NYAP2: variants seen among roughly 807,000 people sequenced by gnomAD.
NYAP2 encodes neuronal tyrosine-phosphorylated phosphoinositide-3-kinase adaptor 2, also known as neuronal tyrosine-phosphorylated phosphoinositide-3-kinase adapter 2.
NYAP2 carries 23 observed loss-of-function variants against 50.4 expected under a neutral mutation model. That is an observed-to-expected ratio of 0.46 (90% CI 0.33 to 0.65). The LOEUF (loss-of-function observed/expected upper bound fraction) is 0.65, where lower values mean the gene tolerates loss of function less well. Among genes scored for constraint, NYAP2 ranks in the 30% least tolerant of loss-of-function variants. The pLI is 0.02. For missense variants in NYAP2, 885 were observed against 861.0 expected, an observed-to-expected ratio of 1.03 and a Z score of -0.35; for synonymous variants, 394 against 365.2, an observed-to-expected ratio of 1.08 and a Z score of -0.90.
chr2:225,660,441 ATT>A, the NYAP2 span, among the ~76,000 whole-genome samples: 35 of 133,992 alleles, frequency 2.6e-4, no homozygotes, highest in African/African-American at 5.5e-4. Context: ...CACAGGATAC[ATT>A]TTTTTTTTTT....
chr2:225,420,185 G>A (rs1158510554), intron 3 of NYAP2, among the ~76,000 whole-genome samples: 1 of 152,050 alleles, frequency 6.6e-6, no homozygotes, highest in African/African-American at 2.4e-5. Flanking sequence ...AAATAAGCTG[G>A]CATAGCATGT....
intron 3 of NYAP2, among the ~76,000 whole-genome samples, chr2:225,505,275 G>C (rs193095985): frequency 2.0e-5 from 3 of 152,206 alleles, no homozygotes; most frequent in Admixed American, 6.5e-5. Flanking sequence ...AAAATATTAG[G>C]TGCATAAAGT....
At chr2:225,657,810 G>A (rs966537413), downstream of NYAP2, among the ~76,000 whole-genome samples, 3 of 152,098 alleles carry the variant, frequency 2.0e-5, no homozygotes, top group African/African-American at 2.4e-5. Flanking sequence ...ACATTGTCAA[G>A]TGTTTCCTAC....
chr2:225,451,843 C>A (rs1411580064), intron 3 of NYAP2, among the ~76,000 whole-genome samples: 2 of 152,072 alleles, frequency 1.3e-5, no homozygotes, highest in Non-Finnish European at 2.9e-5. Context: ...TCTTCTAAAC[C>A]ATTCACTCTT....
At chr2:225,683,792 G>C in the NYAP2 span, among the ~76,000 whole-genome samples, 79 of 152,224 alleles carry the variant, frequency 5.2e-4, no homozygotes, top group African/African-American at 1.8e-3. Flanking sequence ...GCTATCTTTT[G>C]AACTCTTGGC....
chr2:225,430,219 A>G (rs1242097721), intron 3 of NYAP2, among the ~76,000 whole-genome samples: 4 of 152,198 alleles, frequency 2.6e-5, no homozygotes, highest in Non-Finnish European at 5.9e-5. Flanking sequence ...TGAACTCACC[A>G]TGACTGGATA....
chr2:225,424,705 A>G (rs565568852), intron 3 of NYAP2, among the ~76,000 whole-genome samples: 200 of 152,058 alleles, frequency 1.3e-3, no homozygotes, highest in African/African-American at 4.5e-3. Context: ...TATTTATTCT[A>G]TTGTCTTCTG....
chr2:225,534,514 T>A (rs1691313090), intron 4 of NYAP2, among the ~76,000 whole-genome samples: 1 of 152,196 alleles, frequency 6.6e-6, no homozygotes, highest in South Asian at 2.1e-4. Context: ...TGATAAATCA[T>A]AAACATAATC....
At chr2:225,471,547 G>C (rs1252245909) in intron 3 of NYAP2, among the ~76,000 whole-genome samples, 1 of 152,148 alleles carries the variant, frequency 6.6e-6, no homozygotes, top group Non-Finnish European at 1.5e-5. Context: ...TAGACATATA[G>C]TAACATATTA....
intron 3 of NYAP2, among the ~76,000 whole-genome samples, chr2:225,454,752 G>T (rs943560303): frequency 6.6e-6 from 1 of 152,116 alleles, no homozygotes; most frequent in Non-Finnish European, 1.5e-5. Flanking sequence ...ATCTGAGGTG[G>T]AACAGTTTCA....
chr2:225,451,678 A>G (rs1399772098), intron 3 of NYAP2, among the ~76,000 whole-genome samples: 1 of 152,188 alleles, frequency 6.6e-6, no homozygotes, highest in African/African-American at 2.4e-5. Context: ...TACTTACTTT[A>G]CGCAGGTACA....
intron 3 of NYAP2, among the ~76,000 whole-genome samples, chr2:225,507,536 T>C (rs1200173644): frequency 1.3e-5 from 2 of 152,236 alleles, no homozygotes; most frequent in African/African-American, 4.8e-5. Context: ...ATGCAAGTAT[T>C]TAAGAAAGTT....
At chr2:225,672,448 A>G in the NYAP2 span, among the ~76,000 whole-genome samples, 1 of 152,184 alleles carries the variant, frequency 6.6e-6, no homozygotes, top group Non-Finnish European at 1.5e-5. Flanking sequence ...GCTTAAGAGA[A>G]TGTGTGGCTG....
intron 3 of NYAP2, among the ~76,000 whole-genome samples, chr2:225,494,557 A>G (rs138906254): frequency 2.3e-3 from 345 of 152,366 alleles, no homozygotes; most frequent in South Asian, 5.6e-3. Context: ...CCAGATATCA[A>G]GATAAACAAT....
At chr2:225,581,952 C>T (rs780176190) in exon 5 of NYAP2, 1 of 1,600,482 alleles carries the variant, frequency 6.2e-7, no homozygotes, top group East Asian at 2.2e-5. Flanking sequence ...GTCAGCTAAA[C>T]CAAGACCCCA....
intron 4 of NYAP2, among the ~76,000 whole-genome samples, chr2:225,513,973 T>C (rs888996252): frequency 5.3e-5 from 8 of 152,262 alleles, no homozygotes; most frequent in Non-Finnish European, 1.0e-4. Context: ...TATTTTCTTA[T>C]ACTATTTATA....
chr2:225,608,904 A>G (rs973800233), intron 5 of NYAP2, among the ~76,000 whole-genome samples: 18 of 152,038 alleles, frequency 1.2e-4, no homozygotes, highest in African/African-American at 2.9e-4. Flanking sequence ...CTCTCCCTCT[A>G]TATTCCAGCC....
At chr2:225,542,364 C>G (rs1352171548) in intron 4 of NYAP2, among the ~76,000 whole-genome samples, 1 of 151,590 alleles carries the variant, frequency 6.6e-6, no homozygotes, top group East Asian at 1.9e-4. Context: ...AGAGGAAAAG[C>G]TTTTAGATTG....
In NYAP2 at chr2:225,491,886, G is replaced by A. The variant is rs563815410; in HGVS notation, c.222-21485G>A. Among the ~76,000 whole-genome samples the A allele has an allele frequency of 2.6e-5, 4 of 152,254 alleles. No individual in the cohort carries two copies. In the South Asian group the frequency reaches 6.2e-4, roughly 24 times the overall value. On this transcript the variant is annotated intron_variant, in intron 3 of 6. Coordinates refer to ENST00000636099, the Ensembl canonical transcript of NYAP2. The stretch of plus-strand genomic sequence containing the variant: ...TAACCATTTACTGTAGTTTATTTTC[G>A]TTATGCATTAGCTGGATGTTCTCCA...
Sources: allele counts gnomAD v4.1 joint callset (sites outside exome capture counted in the v4.1 genomes callset), GRCh38; gene constraint gnomAD v4.1.1; transcripts MANE v1.5; gene names NCBI Gene and HGNC (gene_info 2026-07-23, HGNC 2026-07-21).